Variants in MLIP observed in about 807,000 individuals in gnomAD.
The protein encoded by MLIP is muscular LMNA-interacting protein.
MLIP carries 79 observed loss-of-function variants against 84.8 expected under a neutral mutation model. The observed-to-expected ratio is 0.93, with a 90% CI of 0.78 to 1.12. The LOEUF is 1.12. Ranked by LOEUF, MLIP falls within the 50% of genes most tolerant of loss-of-function variation. The probability of loss-of-function intolerance (pLI) is 0.00; values close to 1 mark genes in which losing one functional copy is unlikely to be tolerated. For missense variants in MLIP, 1,257 were observed against 1,160.6 expected (o/e 1.08, Z -1.21); for synonymous variants, 504 against 463.0 (o/e 1.09, Z -1.14).
chr6:54,137,425 C>T lies in MLIP; in HGVS notation c.1356C>T (p.Asp452=), dbSNP rs763902286. The T allele has an allele frequency of 6.5e-7, 1 of 1,536,048 alleles. No homozygotes were observed. The highest frequency in any genetic ancestry group is 2.4e-5 in the East Asian group (1 of 40,890). ...CGGCCTCTTCCACGCTCACACTTGA[C>T]CAAAAAGAAAAGCAGACCCCACCCA... ...NSPASSTLTL[D]QKEKQTPPTP... The change falls in exon 4 of 14, where the codon GAC becomes GAT. Residue 452 remains aspartate (D), a synonymous_variant. Transcript: ENST00000502396.
intron 1 of MLIP, among the ~76,000 whole-genome samples, chr6:54,116,179 G>T (rs1405429446): frequency 2.0e-5 from 3 of 152,158 alleles, no homozygotes; most frequent in Non-Finnish European, 4.4e-5. Flanking sequence ...GCATAAAAGG[G>T]TGGCAGGGAT....
intron 12 of MLIP, among the ~76,000 whole-genome samples, chr6:54,251,412 G>A (rs12201129): frequency 0.092 from 11,212 of 121,254 alleles, 587 homozygotes; most frequent in African/African-American, 0.15. Flanking sequence ...TATTGGGCTA[G>A]GCATATCTCC....
intron 11 of MLIP, chr6:54,217,295 AG>A: frequency 2.0e-6 from 2 of 985,426 alleles, no homozygotes; most frequent in Non-Finnish European, 2.4e-6. Context: ...ATGGAACAAA[AG>A]CATTTCAGAT....
chr6:54,104,713 C>A (rs930429134), intron 1 of MLIP, among the ~76,000 whole-genome samples: 2 of 152,100 alleles, frequency 1.3e-5, no homozygotes, highest in Non-Finnish European at 2.9e-5. Flanking sequence ...TGTGGAAACT[C>A]CCTTTTTTTT....
At chr6:54,264,378 A>G (rs1783569226) in intron 13 of MLIP, among the ~76,000 whole-genome samples, 1 of 152,076 alleles carries the variant, frequency 6.6e-6, no homozygotes, top group Admixed American at 6.6e-5. Flanking sequence ...TTTGACTAAG[A>G]CAAACTAAGT....
intron 4 of MLIP, among the ~76,000 whole-genome samples, chr6:54,148,009 G>A (rs1445910017): frequency 1.3e-5 from 2 of 152,156 alleles, no homozygotes; most frequent in African/African-American, 2.4e-5. Flanking sequence ...GAAAATAAAT[G>A]TGCTAGCCTC....
At chr6:54,120,380 G>A (rs977449642) in intron 1 of MLIP, among the ~76,000 whole-genome samples, 2 of 146,814 alleles carry the variant, frequency 1.4e-5, no homozygotes, top group Admixed American at 6.9e-5. Context: ...GACTACAGGC[G>A]CCTGCCACCA....
upstream of MLIP, among the ~76,000 whole-genome samples, chr6:54,108,125 T>C (rs1769155069): frequency 6.6e-6 from 1 of 152,180 alleles, no homozygotes; most frequent in South Asian, 2.1e-4. Flanking sequence ...TCATCAATAA[T>C]GCCAGATTTT....
chr6:54,052,135 A>T (rs1343083396), intron 1 of MLIP, among the ~76,000 whole-genome samples: 2 of 152,114 alleles, frequency 1.3e-5, no homozygotes, highest in African/African-American at 4.8e-5. Context: ...TAAGCTAGAA[A>T]ATTATGGGTG....
intron 10 of MLIP, among the ~76,000 whole-genome samples, chr6:54,197,245 A>C (rs1471215073): frequency 6.6e-6 from 1 of 152,056 alleles, no homozygotes; most frequent in African/African-American, 2.4e-5. Flanking sequence ...GAGAGTTGAC[A>C]TGACTTGATG....
chr6:54,140,696 C>A lies in MLIP; in HGVS notation c.2217+2410C>A, dbSNP rs9370265. Among the ~76,000 whole-genome samples the A allele has an allele frequency of 8.7e-3, 1,316 of 152,050 alleles. 18 individuals carry two copies. The highest frequency in any genetic ancestry group is 0.027 in the African/African-American group (1,127 of 41,470). On this transcript the variant is annotated intron_variant, in intron 4 of 13. Transcript: ENST00000502396. ...AAAGTCAGCCTACTTTTTTTTATTA[C>A]AATCTATTATTTTCAGAAATCGTAT...
intron 1 of MLIP, among the ~76,000 whole-genome samples, chr6:54,041,741 A>G (rs1764753687): frequency 6.6e-6 from 1 of 152,082 alleles, no homozygotes; most frequent in African/African-American, 2.4e-5. Context: ...TACCTATTCA[A>G]GGATTTTTGT....
intron 10 of MLIP, among the ~76,000 whole-genome samples, chr6:54,198,271 C>G (rs1778437079): frequency 1.3e-5 from 2 of 152,198 alleles, no homozygotes; most frequent in South Asian, 2.1e-4. Flanking sequence ...TGGTCTACAG[C>G]CTTCATTCTA....
chr6:54,105,926 C>T (rs1400910931), intron 1 of MLIP, among the ~76,000 whole-genome samples: 2 of 152,084 alleles, frequency 1.3e-5, no homozygotes, highest in Non-Finnish European at 2.9e-5. Context: ...CTCTTGGTAA[C>T]ACAGGAATCT....
intron 11 of MLIP, among the ~76,000 whole-genome samples, chr6:54,219,429 A>T (rs1285548554): frequency 2.3e-5 from 3 of 131,766 alleles, no homozygotes; most frequent in African/African-American, 8.8e-5. Context: ...CAGGGTCAGG[A>T]TCACAAGACA....
chr6:54,226,551 A>G (rs144966639), intron 11 of MLIP, among the ~76,000 whole-genome samples: 38 of 152,272 alleles, frequency 2.5e-4, no homozygotes, highest in African/African-American at 8.4e-4. Context: ...GCAGATAATT[A>G]AAGATATCCA....
chr6:54,049,918 A>C (rs1356437511), intron 1 of MLIP, among the ~76,000 whole-genome samples: 1 of 152,164 alleles, frequency 6.6e-6, no homozygotes, highest in Non-Finnish European at 1.5e-5. Context: ...TATTATACTA[A>C]AGTGCAACAT....
intron 12 of MLIP, among the ~76,000 whole-genome samples, chr6:54,251,767 A>T (rs1782541341): frequency 1.0e-5 from 1 of 99,088 alleles, no homozygotes; most frequent in African/African-American, 4.4e-5. Flanking sequence ...ATATAATATA[A>T]ATATATATTA....
chr6:54,238,173 T>C (rs1781492425), intron 12 of MLIP, among the ~76,000 whole-genome samples: 1 of 152,182 alleles, frequency 6.6e-6, no homozygotes, highest in Non-Finnish European at 1.5e-5. Flanking sequence ...AGAAAAATAA[T>C]ATTCTTCCTA....
Sources: allele counts gnomAD v4.1 joint callset (sites outside exome capture counted in the v4.1 genomes callset), GRCh38; gene constraint gnomAD v4.1.1; transcripts MANE v1.5; gene names NCBI Gene and HGNC (gene_info 2026-07-23, HGNC 2026-07-21).